The following CEMIP variants were observed in gnomAD, a reference collection of about 807,000 sequenced individuals.
CEMIP encodes the protein cell migration inducing hyaluronidase 1.
Under a neutral mutation model 156.9 loss-of-function variants are expected in CEMIP, and 105 were observed. That is an observed-to-expected ratio of 0.67 (90% CI 0.57 to 0.79). The LOEUF (loss-of-function observed/expected upper bound fraction) is 0.79, where lower values mean the gene tolerates loss of function less well. Among genes scored for constraint, CEMIP ranks in the 30% least tolerant of loss-of-function variants. The pLI is 0.00. For synonymous variants in CEMIP, 676 were observed against 668.4 expected, an observed-to-expected ratio of 1.01 and a Z score of -0.17; for missense variants, 1,457 against 1,769.4, an observed-to-expected ratio of 0.82 and a Z score of 3.17.
At chr15:80,850,615 AG>A (rs1481710743) in intron 1 of CEMIP, among the ~76,000 whole-genome samples, 1 of 152,108 alleles carries the variant, frequency 6.6e-6, no homozygotes, top group Non-Finnish European at 1.5e-5. Flanking sequence ...CATGTCCTGT[AG>A]GGTGGGTGAG....
intron 25 of CEMIP, chr15:80,938,293 C>G (rs1901213749): frequency 2.8e-6 from 1 of 352,956 alleles, no homozygotes; most frequent in Non-Finnish European, 5.4e-6. Flanking sequence ...CAAATCCTCA[C>G]AACAACCTGC....
intron 14 of CEMIP, among the ~76,000 whole-genome samples, chr15:80,915,601 C>G (rs770799966): frequency 7.9e-5 from 12 of 152,062 alleles, no homozygotes; most frequent in African/African-American, 2.4e-4. Flanking sequence ...AGATCAGCAC[C>G]GAAACCAACA....
chr15:80,902,452 G>A (rs1899604825), intron 12 of CEMIP, among the ~76,000 whole-genome samples: 1 of 152,198 alleles, frequency 6.6e-6, no homozygotes, highest in South Asian at 2.1e-4. Context: ...AGGATGGGGT[G>A]CGGGGGAGTC....
intron 14 of CEMIP, among the ~76,000 whole-genome samples, chr15:80,917,111 G>C (rs766681000): frequency 2.6e-5 from 4 of 152,106 alleles, no homozygotes; most frequent in Non-Finnish European, 5.9e-5. Context: ...AATAAACAGC[G>C]GTCATTTTTC....
At chr15:80,817,995 T>C (rs779098688) in intron 1 of CEMIP, among the ~76,000 whole-genome samples, 2 of 152,210 alleles carry the variant, frequency 1.3e-5, no homozygotes, top group African/African-American at 2.4e-5. Flanking sequence ...TTGTATGATG[T>C]AGATAATAGC....
chr15:80,936,578 T>G (rs1901128416), intron 23 of CEMIP, 96 bp from the exon 24 acceptor site: 1 of 1,111,996 alleles, frequency 9.0e-7, no homozygotes, highest in Non-Finnish European at 1.4e-6. Context: ...GAAAGTGCCT[T>G]TGAAAGTGCG....
intron 5 of CEMIP, among the ~76,000 whole-genome samples, chr15:80,880,680 C>T (rs1898621291): frequency 6.6e-6 from 1 of 152,188 alleles, no homozygotes; most frequent in South Asian, 2.1e-4. Flanking sequence ...AAGTGATCTG[C>T]CTGTCTCGGC....
In CEMIP at chr15:80,920,380, C is replaced by A. The variant is rs559008685; in HGVS notation, c.2003+81C>A. 6 of 1,316,410 alleles carry A rather than the reference C, an allele frequency of 4.6e-6. No individual in the cohort carries two copies. In the South Asian group the frequency reaches 8.1e-5, roughly 18 times the overall value. The allele number at this position is 1,316,410 out of a possible 1,614,324, so 81.5% of individuals were successfully genotyped here. A position where few individuals can be genotyped will look rare whatever the true frequency, so the allele number is the denominator to read the frequency against. Reference sequence around the variant, plus strand: ...CATGTGTTCACTCAGCTCAGCCCAGCACCAGACTTCTGCACTTCGGGGCTC... The same window carrying A: ...CATGTGTTCACTCAGCTCAGCCCAGAACCAGACTTCTGCACTTCGGGGCTC... On this transcript the variant is annotated intron_variant, in intron 15 of 29. Transcript: ENST00000394685.
At chr15:80,939,867 A>G (rs924416700) in intron 25 of CEMIP, among the ~76,000 whole-genome samples, 1 of 152,178 alleles carries the variant, frequency 6.6e-6, no homozygotes, top group East Asian at 1.9e-4. Context: ...ATAATCTACT[A>G]TGGGCTAGGA....
At chr15:80,896,486 T>A (rs74931956) in intron 12 of CEMIP, 1 of 383,712 alleles carries the variant, frequency 2.6e-6, no homozygotes, top group Non-Finnish European at 5.1e-6. Context: ...GGGAAGCATA[T>A]GTCTGTCACC....
At chr15:80,868,534 G>A (rs1234692388) in intron 1 of CEMIP, among the ~76,000 whole-genome samples, 2 of 152,192 alleles carry the variant, frequency 1.3e-5, no homozygotes, top group Non-Finnish European at 2.9e-5. Flanking sequence ...GGTGCACGCT[G>A]AAGTTTGAGA....
In CEMIP at chr15:80,881,026, C is replaced by A. The variant is rs770584637; in HGVS notation, c.507C>A (p.His169Gln). 3 of 1,614,208 alleles carry A rather than the reference C, an allele frequency of 1.9e-6. No homozygotes were observed. Among genetic ancestry groups the A allele is most frequent in the Non-Finnish European group, 2.5e-6 (3 of 1,180,042 alleles). ...LSWTFLNKTLHPGGMAEGGYF... is the reference protein window; with the variant it reads ...LSWTFLNKTLQPGGMAEGGYF... ...GGACATTTCTGAACAAGACCCTTCA[C>A]CCAGGTGGCATGGCAGAAGGAGGCT... The change falls in exon 6 of 30, where the codon CAC (histidine) becomes CAA (glutamine). Residue 169 changes from histidine (H) to glutamine (Q), a missense_variant. His to Gln is a conservative substitution (Grantham distance 24). Coordinates refer to ENST00000394685, the MANE Select transcript of CEMIP (RefSeq NM_001293298.2).
Position 80,856,050 on chromosome 15 carries a change from C to G in CEMIP, c.-175-17488C>G, listed in dbSNP as rs558277212. Reference sequence around the variant, plus strand: ...TGGATCATTCCATTTACATGAAGTCCTAGCAGAGGCAAAGTGAATCTATGG... The same window carrying G: ...TGGATCATTCCATTTACATGAAGTCGTAGCAGAGGCAAAGTGAATCTATGG... On this transcript the variant is annotated intron_variant, in intron 1 of 29. Coordinates refer to ENST00000394685, the MANE Select transcript of CEMIP (RefSeq NM_001293298.2). 1.3e-4 allele frequency among the ~76,000 whole-genome samples: 20 copies of G among 152,296 alleles called. 2 individuals carry two copies. The South Asian group carries it at 4.1e-3, about 32-fold the overall frequency.
In CEMIP at chr15:80,909,163, G is replaced by C. The variant is rs962148884; in HGVS notation, c.1654G>C (p.Val552Leu). Residue 552 changes from valine (V) to leucine (L), a missense_variant, in exon 14 of 30, where the codon GTG becomes CTG. Around this residue, in one of 5 missense-constraint regions of CEMIP, gnomAD observed 53 missense variants for 104.5 expected, o/e 0.51. Transcript: ENST00000394685. ...GCTGAAGCATATGGGACAGCAGCTG[G>C]TGGGTCAGTACCCGATTCACTTCCA... ...TELKHMGQQL[V>L]GQYPIHFHLA... 1 of 1,614,042 alleles carries C rather than the reference G, an allele frequency of 6.2e-7. No individual in the cohort carries two copies. The highest frequency in any genetic ancestry group is 1.3e-5 in the African/African-American group (1 of 74,920).
At chr15:80,840,798 G>A (rs1232497657) in intron 1 of CEMIP, among the ~76,000 whole-genome samples, 2 of 152,202 alleles carry the variant, frequency 1.3e-5, no homozygotes, top group Non-Finnish European at 2.9e-5. Flanking sequence ...GAAGCCAGCG[G>A]TGTTTTATGT....
chr15:80,942,196 G>A, intron 26 of CEMIP, 55 bp from the exon 27 acceptor site: 1 of 1,519,332 alleles, frequency 6.6e-7, no homozygotes, highest in Non-Finnish European at 9.1e-7. Flanking sequence ...ACGGGAAGAG[G>A]AGGGGAATGA....
chr15:80,837,150 A>G (rs938880956), intron 1 of CEMIP, among the ~76,000 whole-genome samples: 1 of 152,246 alleles, frequency 6.6e-6, no homozygotes, highest in Non-Finnish European at 1.5e-5. Flanking sequence ...TGAGGTTGCT[A>G]AAACTCCAGG....
intron 1 of CEMIP, among the ~76,000 whole-genome samples, chr15:80,819,825 G>C (rs1429772511): frequency 6.6e-6 from 1 of 152,166 alleles, no homozygotes; most frequent in Non-Finnish European, 1.5e-5. Flanking sequence ...CTTGAGCTAT[G>C]GGTCTCAATA....
chr15:80,869,989 T>C (rs368515957), intron 1 of CEMIP, among the ~76,000 whole-genome samples: 19 of 152,328 alleles, frequency 1.2e-4, no homozygotes, highest in African/African-American at 4.6e-4. Context: ...CCCTCATGGC[T>C]TGAGCACTGA....
Sources: gnomAD v4.1 joint callset for allele counts (sites outside exome capture counted in the v4.1 genomes callset) on GRCh38, gnomAD v4.1.1 for gene constraint, gnomAD v4.1.1 regional missense constraint, MANE v1.5 for transcripts, NCBI Gene and HGNC (gene_info 2026-07-23, HGNC 2026-07-21) for gene names.